Variants in TENM2 observed in about 807,000 individuals in gnomAD.
TENM2 encodes the protein teneurin transmembrane protein 2, also known as teneurin-2.
In TENM2, 52 loss-of-function variants were observed where a neutral mutation model predicts 245.2. That is an observed-to-expected ratio of 0.21 (90% CI 0.17 to 0.27). The LOEUF (loss-of-function observed/expected upper bound fraction) is 0.27. Among genes scored for constraint, TENM2 ranks in the 10% least tolerant of loss-of-function variants. TENM2 has a pLI of 1.00. For missense variants in TENM2, 3,046 were observed against 3,666.8 expected (o/e 0.83, Z 4.37); for synonymous variants, 1,363 against 1,438.9 (o/e 0.95, Z 1.19).
At chr5:167,269,536 T>TACACACACAC in the TENM2 span, among the ~76,000 whole-genome samples, 2 of 150,608 alleles carry the variant, frequency 1.3e-5, no homozygotes, top group Non-Finnish European at 3.0e-5. Context: ...AAATAGTGAC[T>TACACACACAC]ACACACACAC....
the TENM2 span, among the ~76,000 whole-genome samples, chr5:167,268,520 C>T: frequency 1.3e-5 from 2 of 152,158 alleles, no homozygotes; most frequent in East Asian, 3.9e-4. Flanking sequence ...AAAAGAAGTC[C>T]TCATCTGCTG....
At chr5:168,215,852 G>A (rs2152561429) in intron 21 of TENM2, among the ~76,000 whole-genome samples, 1 of 152,302 alleles carries the variant, frequency 6.6e-6, no homozygotes, top group East Asian at 1.9e-4. Flanking sequence ...ACAGAACAAA[G>A]CCCAGCGAGG....
At chr5:167,493,803 G>A (rs1768603369) in intron 2 of TENM2, among the ~76,000 whole-genome samples, 1 of 152,068 alleles carries the variant, frequency 6.6e-6, no homozygotes, top group African/African-American at 2.4e-5. Context: ...GAAAGAAGGA[G>A]TATTTGGCTT....
chr5:167,805,357 A>G (rs537171600), intron 2 of TENM2, among the ~76,000 whole-genome samples: 1 of 152,284 alleles, frequency 6.6e-6, no homozygotes, highest in South Asian at 2.1e-4. Flanking sequence ...TTTTTATACA[A>G]TCGTCCTGAG....
At chr5:167,849,940 G>A (rs534910451) in intron 2 of TENM2, among the ~76,000 whole-genome samples, 5 of 152,154 alleles carry the variant, frequency 3.3e-5, no homozygotes, top group South Asian at 4.2e-4. Context: ...AATCCTATTC[G>A]TTTTGTTTTT....
At chr5:168,081,947 C>G (rs183284088) in intron 7 of TENM2, among the ~76,000 whole-genome samples, 1 of 152,266 alleles carries the variant, frequency 6.6e-6, no homozygotes, top group Non-Finnish European at 1.5e-5. Context: ...TTGTGGCATT[C>G]TCTTCATTTC....
Position 167,438,867 on chromosome 5 carries a change from C to A in TENM2, c.502+63394C>A, listed in dbSNP as rs772723718. On this transcript the variant is annotated intron_variant, in intron 2 of 28. Coordinates refer to ENST00000518659, the Ensembl canonical transcript of TENM2. The stretch of plus-strand genomic sequence containing the variant: ...GGAGTGCAATGGCACGATCTCAGCT[C>A]ACTGCAACCTCCGCCTCCGGAGTTC... Among the ~76,000 whole-genome samples the A allele has an allele frequency of 3.9e-5, 6 of 152,138 alleles. No homozygotes were observed. The South Asian group carries it at 1.2e-3, about 32-fold the overall frequency.
rs1554147054 is a variant in TENM2 at position 167,411,606 on chromosome 5, G to GTGTA, written c.502+36141_502+36144dup. Among the ~76,000 whole-genome samples the GTGTA allele has an allele frequency of 5.4e-3, 800 of 147,828 alleles. 6 individuals are homozygous for GTGTA. Among genetic ancestry groups the GTGTA allele is most frequent in the African/African-American group, 0.017 (681 of 40,368 alleles). On this transcript the variant is annotated intron_variant, in intron 2 of 28. Coordinates refer to ENST00000518659, the Ensembl canonical transcript of TENM2. Reference sequence around the variant, plus strand: ...TGTGTGTGTGTGTGTGTGTGTGTGTGTGTATGTATGTGAGAGAGAGAGAGA... The same window carrying GTGTA: ...TGTGTGTGTGTGTGTGTGTGTGTGTGTGTATGTATGTATGTGAGAGAGAGAGAGA...
At chr5:168,024,369 G>C (rs977695601) in intron 5 of TENM2, among the ~76,000 whole-genome samples, 1 of 152,180 alleles carries the variant, frequency 6.6e-6, no homozygotes, top group African/African-American at 2.4e-5. Context: ...TCAAGGGCCA[G>C]CCATGAAATT....
At chr5:168,095,061 A>G (rs1793251524) in intron 8 of TENM2, among the ~76,000 whole-genome samples, 1 of 151,936 alleles carries the variant, frequency 6.6e-6, no homozygotes, top group Non-Finnish European at 1.5e-5. Flanking sequence ...CAGGGCGCCC[A>G]CTGATTTGAC....
chr5:167,750,255 C>T (rs1366823126), intron 2 of TENM2, among the ~76,000 whole-genome samples: 2 of 152,126 alleles, frequency 1.3e-5, no homozygotes, highest in East Asian at 1.9e-4. Flanking sequence ...CCTTGCCCTA[C>T]GCTGTTACGG....
chr5:167,987,791 C>T (rs1242043204), intron 4 of TENM2, among the ~76,000 whole-genome samples: 1 of 152,166 alleles, frequency 6.6e-6, no homozygotes, highest in Non-Finnish European at 1.5e-5. Context: ...TCCAGGTATT[C>T]ATGGGACACA....
chr5:167,859,881 G>A (rs1771555840), intron 2 of TENM2, among the ~76,000 whole-genome samples: 1 of 31,894 alleles, frequency 3.1e-5, no homozygotes, highest in Non-Finnish European at 7.5e-5. Context: ...CCCTCTGCCC[G>A]GCCAGCCGCC....
intron 5 of TENM2, among the ~76,000 whole-genome samples, chr5:167,994,174 C>G (rs1783879287): frequency 6.6e-6 from 1 of 152,260 alleles, no homozygotes; most frequent in Non-Finnish European, 1.5e-5. Flanking sequence ...TTCAGGGCAG[C>G]TATGAGAGAC....
intron 2 of TENM2, among the ~76,000 whole-genome samples, chr5:167,695,862 G>A (rs1440451366): frequency 7.3e-5 from 11 of 151,676 alleles, no homozygotes; most frequent in Non-Finnish European, 1.5e-4. Flanking sequence ...ATGAAACCCC[G>A]TCTCTGCTAA....
chr5:167,013,532 C>G, the TENM2 span, among the ~76,000 whole-genome samples: 2 of 152,148 alleles, frequency 1.3e-5, no homozygotes, highest in South Asian at 4.1e-4. Context: ...GTGGTGAAAC[C>G]CTGTCTCCCC....
At chr5:167,795,138 C>T (rs1189931462) in intron 2 of TENM2, among the ~76,000 whole-genome samples, 1 of 152,094 alleles carries the variant, frequency 6.6e-6, no homozygotes, top group East Asian at 1.9e-4. Flanking sequence ...GGATTGGTGT[C>T]AGATGAGAGA....
At chr5:167,108,940 A>T in the TENM2 span, among the ~76,000 whole-genome samples, 1 of 152,208 alleles carries the variant, frequency 6.6e-6, no homozygotes, top group South Asian at 2.1e-4. Flanking sequence ...AATCCAAATA[A>T]TGAACTGGGG....
intron 2 of TENM2, among the ~76,000 whole-genome samples, chr5:167,436,700 G>A (rs772138411): frequency 5.3e-5 from 8 of 152,224 alleles, no homozygotes; most frequent in Admixed American, 2.6e-4. Flanking sequence ...CAGGGTTCCC[G>A]TGCTGTGTGT....
Sources: allele counts gnomAD v4.1 joint callset (sites outside exome capture counted in the v4.1 genomes callset), GRCh38; gene constraint gnomAD v4.1.1; transcripts MANE v1.5; gene names NCBI Gene and HGNC (gene_info 2026-07-23, HGNC 2026-07-21).